Variants in CFAP95 observed in about 807,000 individuals in gnomAD.
CFAP95 encodes cilia- and flagella-associated protein 95.
chr9:69,823,627 A>G, the CFAP95 span, among the ~76,000 whole-genome samples: 2 of 152,214 alleles, frequency 1.3e-5, no homozygotes, highest in African/African-American at 4.8e-5. Context: ...AGTTTCGCTC[A>G]CGTGCATTTG....
chr9:69,857,788 A>G, the CFAP95 span: 1 of 809,244 alleles, frequency 1.2e-6, no homozygotes, highest in South Asian at 1.9e-5. Context: ...TCGGCCTCCC[A>G]AAGTTCTGGG....
chr9:69,820,920 G>C, the CFAP95 span: 1 of 1,614,140 alleles, frequency 6.2e-7, no homozygotes, highest in Non-Finnish European at 8.5e-7. Context: ...TGGTGCGACA[G>C]GAAGCAACAC....
At chr9:69,872,550 G>T in the CFAP95 span, among the ~76,000 whole-genome samples, 1 of 152,128 alleles carries the variant, frequency 6.6e-6, no homozygotes, top group Non-Finnish European at 1.5e-5. Flanking sequence ...TTGTGGGAGG[G>T]GAGAACATCT....
chr9:69,898,008 G>A, the CFAP95 span, among the ~76,000 whole-genome samples: 2 of 152,164 alleles, frequency 1.3e-5, no homozygotes. Context: ...TGCAACTCCA[G>A]TGCTTCCTGT....
chr9:69,900,030 C>T, the CFAP95 span, among the ~76,000 whole-genome samples: 1 of 152,232 alleles, frequency 6.6e-6, no homozygotes, highest in South Asian at 2.1e-4. Flanking sequence ...AATTTTTTGA[C>T]TTTATGATGC....
At chr9:69,874,518 A>G in the CFAP95 span, among the ~76,000 whole-genome samples, 324 of 152,326 alleles carry the variant, frequency 2.1e-3, no homozygotes, top group African/African-American at 7.0e-3. Context: ...AGTTTATTAA[A>G]AGAGTACTGG....
At chr9:69,860,610 T>C in the CFAP95 span, among the ~76,000 whole-genome samples, 1 of 151,848 alleles carries the variant, frequency 6.6e-6, no homozygotes, top group African/African-American at 2.4e-5. Flanking sequence ...TTTTCTTTTT[T>C]TTTTTTTTTA....
At chr9:69,890,467 A>G in the CFAP95 span, among the ~76,000 whole-genome samples, 2 of 152,348 alleles carry the variant, frequency 1.3e-5, no homozygotes, top group African/African-American at 2.4e-5. Flanking sequence ...TGCTTGCATG[A>G]CATTGTTATT....
chr9:69,859,967 T>C, the CFAP95 span, among the ~76,000 whole-genome samples: 2 of 152,186 alleles, frequency 1.3e-5, no homozygotes, highest in Non-Finnish European at 2.9e-5. Flanking sequence ...TACACCTGTA[T>C]AGGGCACATG....
At chr9:69,868,275 A>ATT in the CFAP95 span, among the ~76,000 whole-genome samples, 1 of 151,846 alleles carries the variant, frequency 6.6e-6, no homozygotes, top group African/African-American at 2.4e-5. Context: ...AAATGAAATG[A>ATT]TTTTTTTGGA....
chr9:69,874,458 C>A, the CFAP95 span, among the ~76,000 whole-genome samples: 2 of 152,034 alleles, frequency 1.3e-5, no homozygotes, highest in Non-Finnish European at 2.9e-5. Flanking sequence ...AGGATTCTTT[C>A]GGTTGTAAGG....
At chr9:69,844,815 G>A in the CFAP95 span, among the ~76,000 whole-genome samples, 1 of 152,160 alleles carries the variant, frequency 6.6e-6, no homozygotes, top group Non-Finnish European at 1.5e-5. Flanking sequence ...GTGATTGGGC[G>A]AATTACATGA....
the CFAP95 span, chr9:69,886,776 A>C: frequency 1.6e-6 from 2 of 1,272,890 alleles, no homozygotes; most frequent in Non-Finnish European, 2.3e-6. Context: ...GTATACCAAT[A>C]AAAATGTAAA....
chr9:69,896,059 T>C, the CFAP95 span, among the ~76,000 whole-genome samples: 1 of 152,238 alleles, frequency 6.6e-6, no homozygotes, highest in Non-Finnish European at 1.5e-5. Flanking sequence ...TTGATTATCT[T>C]CAGTTTCTAC....
chr9:69,839,701 A>C, the CFAP95 span, among the ~76,000 whole-genome samples: 2 of 151,042 alleles, frequency 1.3e-5, no homozygotes, highest in African/African-American at 4.9e-5. Flanking sequence ...TGCTGGGATT[A>C]CAGTGTGAGC....
At chr9:69,881,470 C>T in the CFAP95 span, among the ~76,000 whole-genome samples, 1 of 152,138 alleles carries the variant, frequency 6.6e-6, no homozygotes, top group African/African-American at 2.4e-5. Context: ...AATGAATTCA[C>T]TGTAGGTGTG....
At chr9:69,874,017 T>C in the CFAP95 span, among the ~76,000 whole-genome samples, 3 of 152,174 alleles carry the variant, frequency 2.0e-5, no homozygotes, top group Non-Finnish European at 4.4e-5. Context: ...TAACTACAAC[T>C]GTTAAAGACA....
At chr9:69,878,052 G>A in the CFAP95 span, among the ~76,000 whole-genome samples, 1 of 152,146 alleles carries the variant, frequency 6.6e-6, no homozygotes, top group Admixed American at 6.5e-5. Context: ...CAATATCCTA[G>A]TTCAAGAGTG....
the CFAP95 span, among the ~76,000 whole-genome samples, chr9:69,849,345 A>G: frequency 6.6e-6 from 1 of 151,816 alleles, no homozygotes; most frequent in Admixed American, 6.6e-5. Flanking sequence ...AAGGAAGTAA[A>G]CAAAGAAGGA....
Sources: gnomAD v4.1 joint callset for allele counts (sites outside exome capture counted in the v4.1 genomes callset) on GRCh38, gnomAD v4.1.1 for gene constraint, MANE v1.5 for transcripts, NCBI Gene and HGNC (gene_info 2026-07-23, HGNC 2026-07-21) for gene names.